MAGI3: variants seen among roughly 807,000 people sequenced by gnomAD.
MAGI3 encodes the protein membrane-associated guanylate kinase, WW and PDZ domain-containing protein 3.
In MAGI3, 43 loss-of-function variants were observed where a neutral mutation model predicts 121.8. The ratio of observed to expected loss-of-function variants is 0.35; its 90% CI spans 0.28 to 0.46. The LOEUF is 0.46. MAGI3 is among the 20% of genes least tolerant of loss of function. The pLI is 1.00. For missense variants in MAGI3, 1,547 were observed against 1,797.3 expected, an observed-to-expected ratio of 0.86 and a Z score of 2.52; for synonymous variants, 553 against 639.3, an observed-to-expected ratio of 0.86 and a Z score of 2.04.
chr1:113,465,525 C>G (rs1299870599), intron 1 of MAGI3, among the ~76,000 whole-genome samples: 1 of 151,182 alleles, frequency 6.6e-6, no homozygotes, highest in Admixed American at 6.6e-5. Flanking sequence ...GTTTTTTTTT[C>G]TATTTTTGTG....
chr1:113,392,678 G>T (rs1650890030), intron 1 of MAGI3, among the ~76,000 whole-genome samples: 1 of 152,078 alleles, frequency 6.6e-6, no homozygotes, highest in African/African-American at 2.4e-5. Flanking sequence ...GGGTTTATGT[G>T]GTGAGGTTTT....
At chr1:113,396,688 G>A (rs1557733850) in intron 1 of MAGI3, among the ~76,000 whole-genome samples, 1 of 152,088 alleles carries the variant, frequency 6.6e-6, no homozygotes, top group Non-Finnish European at 1.5e-5. Context: ...TTACTGGCAC[G>A]CATTCATTCC....
At chr1:113,632,792 C>T (rs1351980466) in intron 9 of MAGI3, among the ~76,000 whole-genome samples, 1 of 152,142 alleles carries the variant, frequency 6.6e-6, no homozygotes, top group Non-Finnish European at 1.5e-5. Context: ...CAAGAAAATA[C>T]ACTCATAAAT....
chr1:113,634,473 A>G (rs1319985126), intron 9 of MAGI3, among the ~76,000 whole-genome samples: 1 of 152,168 alleles, frequency 6.6e-6, no homozygotes, highest in Non-Finnish European at 1.5e-5. Context: ...TTTTCCCAGC[A>G]CCATTTATTA....
chr1:113,659,449 C>T (rs535463429), intron 16 of MAGI3, among the ~76,000 whole-genome samples, 184 bp downstream of exon 16: 13 of 152,298 alleles, frequency 8.5e-5, no homozygotes, highest in South Asian at 4.1e-4. Context: ...ATAAAGTTGT[C>T]AGCAGCTCAA....
chr1:113,649,068 G>C (rs1274389832), intron 12 of MAGI3, among the ~76,000 whole-genome samples, 169 bp from the exon 13 acceptor site: 1 of 152,170 alleles, frequency 6.6e-6, no homozygotes, highest in African/African-American at 2.4e-5. Context: ...AGGATTTATA[G>C]TTGAATTGTG....
intron 1 of MAGI3, among the ~76,000 whole-genome samples, chr1:113,471,264 C>A (rs1655525957): frequency 6.6e-6 from 1 of 152,144 alleles, no homozygotes; most frequent in African/African-American, 2.4e-5. Context: ...AGATTGAAAT[C>A]ATATCAAATA....
At chr1:113,419,606 A>G (rs1227261184) in intron 1 of MAGI3, among the ~76,000 whole-genome samples, 2 of 151,252 alleles carry the variant, frequency 1.3e-5, no homozygotes, top group Admixed American at 1.3e-4. Context: ...GTTTTAGAAA[A>G]AAGAAAGATT....
chr1:113,642,134 T>G lies in MAGI3; in HGVS notation c.1584T>G (p.Pro528=). 6.2e-7 allele frequency: 1 copy of G among 1,614,164 alleles called. No individual in the cohort carries two copies. The highest frequency in any genetic ancestry group is 8.5e-7 in the Non-Finnish European group (1 of 1,180,038). ...SLTKGETCMN[P]QDFKPGAMVL... ...CCAAGGGAGAGACTTGCATGAATCC[T>G]CAGGATTTTAAGCCAGGAGCAATGG... Residue 528 remains proline (P), a synonymous_variant, in exon 10 of 21, where the codon CCT becomes CCG. Transcript: ENST00000307546.
chr1:113,423,937 T>C (rs1324388925), intron 1 of MAGI3, among the ~76,000 whole-genome samples: 5 of 152,124 alleles, frequency 3.3e-5, no homozygotes, highest in African/African-American at 1.2e-4. Context: ...CCCCAAGTGC[T>C]TGCACACCCG....
At chr1:113,484,416 C>T (rs1010615461) in intron 1 of MAGI3, among the ~76,000 whole-genome samples, 23 of 152,164 alleles carry the variant, frequency 1.5e-4, no homozygotes, top group African/African-American at 5.5e-4. Context: ...CCCTTTACCT[C>T]CAGTCCCCAA....
intron 1 of MAGI3, among the ~76,000 whole-genome samples, chr1:113,533,779 C>CTTTT (rs1369851533): frequency 1.4e-5 from 2 of 140,142 alleles, no homozygotes; most frequent in African/African-American, 5.1e-5. Context: ...AATATCTTTT[C>CTTTT]TTTTTCTTTT....
intron 2 of MAGI3, among the ~76,000 whole-genome samples, chr1:113,559,656 C>T (rs1160849761): frequency 6.6e-6 from 1 of 152,086 alleles, no homozygotes; most frequent in East Asian, 1.9e-4. Flanking sequence ...CAGCCTCCGC[C>T]TCCTGGATTC....
Position 113,651,088 on chromosome 1 carries a change from G to A in MAGI3, c.2322G>A (p.Met774Ile). ...DGRLRAADEL[M>I]CIDGIPVKGK... ...GGCTCCGCGCAGCTGATGAACTAATGTGCATTGATGGAATTCCTGTTAAAG... is the reference window on the plus strand; with the variant it reads ...GGCTCCGCGCAGCTGATGAACTAATATGCATTGATGGAATTCCTGTTAAAG... Residue 774 changes from methionine (M) to isoleucine (I), a missense_variant, in exon 14 of 21, where the codon ATG becomes ATA. Coordinates refer to ENST00000307546, the MANE Select transcript of MAGI3 (RefSeq NM_001142782.2). 1 of 1,614,172 alleles carries A rather than the reference G, an allele frequency of 6.2e-7. No individual in the cohort carries two copies. Among genetic ancestry groups the A allele is most frequent in the Non-Finnish European group, 8.5e-7 (1 of 1,180,024 alleles).
At chr1:113,552,970 A>G (rs1293796565) in intron 2 of MAGI3, among the ~76,000 whole-genome samples, 2 of 152,226 alleles carry the variant, frequency 1.3e-5, no homozygotes, top group Non-Finnish European at 2.9e-5. Flanking sequence ...ATCAGAAAGT[A>G]TATAGTGCTT....
chr1:113,395,312 C>T (rs76347748), intron 1 of MAGI3, among the ~76,000 whole-genome samples: 3,538 of 151,160 alleles, frequency 0.023, 133 homozygotes, highest in African/African-American at 0.081. Context: ...CAAGCCAAGC[C>T]CCTTTGCTAG....
At chr1:113,637,048 A>C (rs554692825) in intron 9 of MAGI3, among the ~76,000 whole-genome samples, 1 of 152,210 alleles carries the variant, frequency 6.6e-6, no homozygotes, top group East Asian at 1.9e-4. Context: ...CTAGGATTGC[A>C]ACCCTTGTCT....
intron 1 of MAGI3, among the ~76,000 whole-genome samples, chr1:113,432,690 T>C (rs999858153): frequency 3.9e-5 from 6 of 151,978 alleles, no homozygotes; most frequent in Non-Finnish European, 8.8e-5. Flanking sequence ...AAAAAATAAA[T>C]TTGGCTAACT....
intron 1 of MAGI3, among the ~76,000 whole-genome samples, chr1:113,479,970 A>AT (rs1036589809): frequency 2.7e-5 from 4 of 149,532 alleles, no homozygotes; most frequent in East Asian, 2.0e-4. Context: ...TTCTTTTTTG[A>AT]TTTTTTTTAT....
Sources: gnomAD v4.1 joint callset for allele counts (sites outside exome capture counted in the v4.1 genomes callset) on GRCh38, gnomAD v4.1.1 for gene constraint, MANE v1.5 for transcripts, NCBI Gene and HGNC (gene_info 2026-07-23, HGNC 2026-07-21) for gene names.